GPR162: variants seen among roughly 807,000 people sequenced by gnomAD.
The protein encoded by GPR162 is G protein-coupled receptor 162.
Under a neutral mutation model 44.9 loss-of-function variants are expected in GPR162, and 26 were observed. The ratio of observed to expected loss-of-function variants is 0.58; its 90% CI spans 0.42 to 0.80. GPR162 has a LOEUF of 0.80. Among genes scored for constraint, GPR162 ranks in the 30% least tolerant of loss-of-function variants. The pLI is 0.00. For synonymous variants in GPR162, 363 were observed against 335.2 expected (o/e 1.08, Z -0.91); for missense variants, 704 against 802.3 (o/e 0.88, Z 1.48).
rs1344768358 is a variant in GPR162, at chr12:6,822,465, C to A, written c.-432+565C>A. Among the ~76,000 whole-genome samples the A allele has an allele frequency of 1.3e-5, 2 of 152,132 alleles. No individual in the cohort carries two copies. The highest frequency in any genetic ancestry group is 2.9e-5 in the Non-Finnish European group (2 of 68,016). On this transcript the variant is annotated intron_variant, in intron 1 of 4. Transcript: ENST00000311268. This position sits in a 1 kb window ranked among gnomAD's most constrained non-coding sequence, Gnocchi z 4.2. ...CTTTCACTGCTGTGCCCCATTTTTA[C>A]CCCACTTACCCTAAAGCCATTATGT...
chr12:6,827,096 A>C lies in GPR162; in HGVS notation c.1659A>C (p.Gly553=). ...PESRAVGLPL[G]LSAGRRCSLT... ...GCAGAGCCGTTGGACTTCCTTTGGG[A>C]CTAAGCGCAGGGAGACGCTGCTCCC... Residue 553 remains glycine, a synonymous_variant, in exon 5 of 5, where the codon GGA becomes GGC. Transcript: ENST00000311268. 1.2e-6 allele frequency: 2 copies of C among 1,613,302 alleles called. No individual in the cohort carries two copies. The highest frequency in any genetic ancestry group is 3.3e-5 in the Admixed American group (2 of 60,026).
At position 6,823,709 on chromosome 12, in the gene GPR162, C is replaced by T; in HGVS notation, c.-190C>T. On this transcript the variant is annotated 5_prime_UTR_variant, in exon 2 of 5. Coordinates refer to ENST00000311268, the MANE Select transcript of GPR162 (RefSeq NM_019858.2). ...CCTCTGCTGACCCTCAGTCTCCTCC[C>T]CTGCCCTCTACATCTGCCCTCAGCT... is the stretch of plus-strand genomic sequence containing the variant. The T allele has an allele frequency of 6.3e-7, 1 of 1,584,286 alleles. No homozygotes were observed. The highest frequency in any genetic ancestry group is 8.7e-7 in the Non-Finnish European group (1 of 1,155,554).
Position 6,826,963 on chromosome 12 carries a change from T to C in GPR162, c.1526T>C (p.Ile509Thr). ...TTCCGGGAGGAGATCACCACCTTCA[T>C]CGATGAGACACCTCTGCCTTCTCCG... ...GFFREEITTF[I>T]DETPLPSPTA... Residue 509 changes from isoleucine to threonine, a missense_variant, in exon 5 of 5, where the codon ATC becomes ACC. Physicochemically the swap from Ile to Thr is moderately conservative, Grantham distance 89. Around this residue, in one of 6 missense-constraint regions of GPR162, gnomAD observed 404 missense variants for 314.1 expected, o/e 1.29. Transcript: ENST00000311268. 1 of 1,613,332 alleles carries C rather than the reference T, an allele frequency of 6.2e-7. No individual in the cohort carries two copies. The highest frequency in any genetic ancestry group is 8.5e-7 in the Non-Finnish European group (1 of 1,179,988).
rs149471201 is a variant in GPR162 at position 6,825,633 on chromosome 12, G to A, written c.1017G>A (p.Glu339=). The A allele has an allele frequency of 8.3e-5, 132 of 1,584,228 alleles. 1 individual carries two copies. The African/African-American group carries it at 1.5e-3, about 18-fold the overall frequency. The change falls in exon 3 of 5, where the codon GAG becomes GAA. Residue 339 remains glutamate (E), a synonymous_variant. Coordinates refer to ENST00000311268, the MANE Select transcript of GPR162 (RefSeq NM_019858.2). ...RYRADVRTVW[E]QCVAIMSEED... Reference sequence around the variant, plus strand: ...GCGCCGACGTGCGCACAGTGTGGGAGCAATGCGTGGCCATCATGTCTGAGG... The same window carrying A: ...GCGCCGACGTGCGCACAGTGTGGGAACAATGCGTGGCCATCATGTCTGAGG...
In GPR162 at chr12:6,827,363, T is replaced by C. The variant is rs1377336923; in HGVS notation, c.*159T>C. On this transcript the variant is annotated 3_prime_UTR_variant, in exon 5 of 5. Transcript: ENST00000311268. ...CTCCCATCCAAGTGACCAGATGCCCTACTCAGCTTCCATCACCCCTAGCAA... is the reference window on the plus strand; with the variant it reads ...CTCCCATCCAAGTGACCAGATGCCCCACTCAGCTTCCATCACCCCTAGCAA... 9.7e-6 allele frequency: 6 copies of C among 619,898 alleles called. No homozygotes were observed. The highest frequency in any genetic ancestry group is 3.7e-5 in the African/African-American group (2 of 54,178). The allele number at this position is 619,898 out of a possible 1,614,324, so 38.4% of individuals were successfully genotyped here.
intron 3 of GPR162, 35 bp downstream of exon 3, chr12:6,825,708 C>CT: frequency 6.6e-7 from 1 of 1,517,442 alleles, no homozygotes. Flanking sequence ...CTTTCCTGGA[C>CT]ATCTGTCTAT....
At position 6,825,413 on chromosome 12, in the gene GPR162, C is replaced by T. The variant is rs1943341196; in HGVS notation, c.868-71C>T. 8.8e-6 allele frequency: 8 copies of T among 904,442 alleles called. No individual in the cohort carries two copies. In the South Asian group the frequency reaches 1.2e-4, roughly 14 times the overall value. 56.0% of individuals were successfully genotyped at this position (904,442 alleles called of 1,614,324 possible). A position where few individuals can be genotyped will look rare whatever the true frequency, so the allele number is the denominator to read the frequency against. On this transcript the variant is annotated intron_variant, in intron 2 of 4. Transcript: ENST00000311268. ...CTTCTGACGTCTTGCCCACCAGCTG[C>T]ACTAGGATATGGGGTTCAGGTGGGC...
At chr12:6,826,583 T>C (rs1418116379) in intron 4 of GPR162, 70 bp from the exon 5 acceptor site, 1 of 1,366,882 alleles carries the variant, frequency 7.3e-7, no homozygotes, top group Non-Finnish European at 9.9e-7. Context: ...TCTTCCGGAG[T>C]CCCCACTTGG....
Position 6,826,284 on chromosome 12 carries a change from C to G in GPR162, c.1146C>G (p.Pro382=). The G allele has an allele frequency of 6.2e-7, 1 of 1,613,984 alleles. No individual in the cohort carries two copies. Among genetic ancestry groups the G allele is most frequent in the South Asian group, 1.1e-5 (1 of 91,084 alleles). Residue 382 remains proline (P), a synonymous_variant, in exon 4 of 5, where the codon CCC becomes CCG. Transcript: ENST00000311268. ...CCACAGGACCAGGGAGCCGGGACCC[C>G]GCCCAGGTGAAGCTGCTGCCTGGAA... ...NGATGPGSRD[P]AQVKLLPGRH...
chr12:6,823,868 G>A lies in GPR162; in HGVS notation c.-31G>A. ...GTGAGACCTAGCCCCCACCCCCACA[G>A]AGCTCAAGGGGGTGGGGGGCTGAGG... On this transcript the variant is annotated 5_prime_UTR_variant, in exon 2 of 5. Transcript: ENST00000311268. 1 of 1,573,608 alleles carries A rather than the reference G, an allele frequency of 6.4e-7. No homozygotes were observed. Among genetic ancestry groups the A allele is most frequent in the East Asian group, 2.3e-5 (1 of 44,358 alleles).
chr12:6,823,919 G>A lies in GPR162; in HGVS notation c.21G>A (p.Gly7=). Residue 7 remains glycine, a synonymous_variant, in exon 2 of 5, where the codon GGG becomes GGA. Transcript: ENST00000311268. ...ATAGGATGGCTCGGGGCGGGGCGGG[G>A]GCAGAGGAGGCCTCCCTGCGCTCCA... MARGGA[G]AEEASLRSNA... is the part of the protein sequence containing the mutation. 1 of 1,560,760 alleles carries A rather than the reference G, an allele frequency of 6.4e-7. No individual in the cohort carries two copies. Among genetic ancestry groups the A allele is most frequent in the Non-Finnish European group, 8.7e-7 (1 of 1,151,852 alleles).
intron 2 of GPR162, 171 bp from the exon 3 acceptor site, chr12:6,825,313 G>A: frequency 1.7e-6 from 1 of 604,104 alleles, no homozygotes. Context: ...CTTCCTCTGA[G>A]TCAGTCCCTT....
Position 6,824,578 on chromosome 12 carries a change from C to G in GPR162, c.680C>G (p.Ala227Gly), listed in dbSNP as rs377672427. Residue 227 changes from alanine (A) to glycine (G), a missense_variant, in exon 2 of 5, where the codon GCG becomes GGG. Ala to Gly is a moderately conservative substitution (Grantham distance 60, BLOSUM62 0). Around this residue, in one of 6 missense-constraint regions of GPR162, gnomAD observed 56 missense variants for 47.2 expected, o/e 1.19. Transcript: ENST00000311268. ...RRVGGGGGTK[A>G]GGPGALGTRP... ...GTGGGGGGTGGTGGGGGGACCAAAGCGGGTGGGCCAGGGGCCTTGGGTACC... is the reference window on the plus strand; with the variant it reads ...GTGGGGGGTGGTGGGGGGACCAAAGGGGGTGGGCCAGGGGCCTTGGGTACC... 6.2e-7 allele frequency: 1 copy of G among 1,603,764 alleles called. No homozygotes were observed. The highest frequency in any genetic ancestry group is 8.5e-7 in the Non-Finnish European group (1 of 1,174,524).
chr12:6,826,759 T>C lies in GPR162; in HGVS notation c.1322T>C (p.Val441Ala), dbSNP rs782060990. Reference protein sequence around the residue: ...HKWSSSDDIRVLPAQSRALGG... With the variant: ...HKWSSSDDIRALPAQSRALGG... ...TGGTCATCCTCTGATGACATCCGGG[T>C]CCTCCCAGCCCAGAGCCGGGCCCTC... Residue 441 changes from valine (V) to alanine (A), a missense_variant, in exon 5 of 5, where the codon GTC (valine) becomes GCC (alanine). Around this residue, in one of 6 missense-constraint regions of GPR162, gnomAD observed 404 missense variants for 314.1 expected, o/e 1.29. Transcript: ENST00000311268. The C allele has an allele frequency of 1.2e-6, 2 of 1,604,876 alleles. No individual in the cohort carries two copies. Among genetic ancestry groups the C allele is most frequent in the African/African-American group, 2.7e-5 (2 of 74,376 alleles).
rs781935875 is a variant in GPR162, at chr12:6,822,541, C to G, written c.-432+641C>G. ...AGGGTTTCACCCGATTCCCTTACCC[C>G]CCTTCCCAGGGCTCACTGAAGCTCA... On this transcript the variant is annotated intron_variant, in intron 1 of 4. Transcript: ENST00000311268. The surrounding 1 kb of genome is among the most constrained non-coding windows in gnomAD (Gnocchi z 4.2). Among the ~76,000 whole-genome samples, 5 of 152,324 alleles carry G rather than the reference C, an allele frequency of 3.3e-5. No individual in the cohort carries two copies. Among genetic ancestry groups the G allele is most frequent in the African/African-American group, 7.2e-5 (3 of 41,564 alleles).
In GPR162 at chr12:6,823,780, C is replaced by T. The variant is rs1395753943; in HGVS notation, c.-119C>T. 1 of 1,612,872 alleles carries T rather than the reference C, an allele frequency of 6.2e-7. No individual in the cohort carries two copies. Among genetic ancestry groups the T allele is most frequent in the African/African-American group, 1.3e-5 (1 of 74,930 alleles). On this transcript the variant is annotated 5_prime_UTR_variant, in exon 2 of 5. Coordinates refer to ENST00000311268, the MANE Select transcript of GPR162 (RefSeq NM_019858.2). The stretch of plus-strand genomic sequence containing the variant: ...AGCACTGGGGTGAGCCTGGGGGCAG[C>T]CTGCCTGCTGACAGGGCGAGGATTG...
rs782105211 is a variant in GPR162, at chr12:6,826,924, G to A, written c.1487G>A (p.Arg496Gln). The A allele has an allele frequency of 3.6e-5, 58 of 1,613,248 alleles. No homozygotes were observed. Among genetic ancestry groups the A allele is most frequent in the East Asian group, 1.3e-4 (6 of 44,876 alleles). ...CTGGGGTCAGGTGGGGGACCCCCAC[G>A]GGGTCCTGGCTTCTTCCGGGAGGAG... is the stretch of plus-strand genomic sequence containing the variant. ...GVLGSGGGPP[R>Q]GPGFFREEIT... The change falls in exon 5 of 5, where the codon CGG becomes CAG. Residue 496 changes from arginine to glutamine, a missense_variant. By Grantham distance (43) the Arg-to-Gln change is conservative. Coordinates refer to ENST00000311268, the MANE Select transcript of GPR162 (RefSeq NM_019858.2).
rs781933907 is a variant in GPR162 at position 6,824,573 on chromosome 12, C to A, written c.675C>A (p.Thr225=). 3.3e-5 allele frequency: 53 copies of A among 1,602,276 alleles called. 1 individual carries two copies. The highest frequency in any genetic ancestry group is 2.2e-4 in the South Asian group (20 of 89,522). The part of the protein sequence containing the change: ...QARRVGGGGG[T]KAGGPGALGT... ...GGAGAGTGGGGGGTGGTGGGGGGACCAAAGCGGGTGGGCCAGGGGCCTTGG... is the reference window on the plus strand; with the variant it reads ...GGAGAGTGGGGGGTGGTGGGGGGACAAAAGCGGGTGGGCCAGGGGCCTTGG... Residue 225 remains threonine, a synonymous_variant, in exon 2 of 5, where the codon ACC becomes ACA. Transcript: ENST00000311268.
intron 2 of GPR162, chr12:6,825,262 C>G (rs1209944556): frequency 1.7e-6 from 1 of 590,972 alleles, no homozygotes; most frequent in Non-Finnish European, 3.0e-6. Flanking sequence ...TGTTCCTCTC[C>G]CTCCTGACCG....
Sources: gnomAD v4.1 joint callset for allele counts (sites outside exome capture counted in the v4.1 genomes callset) on GRCh38, gnomAD v4.1.1 for gene constraint, gnomAD v4.1.1 regional missense constraint, Gnocchi (gnomAD v3.1) non-coding constraint, MANE v1.5 for transcripts, NCBI Gene and HGNC (gene_info 2026-07-23, HGNC 2026-07-21) for gene names.